The following LRP5 variants were observed in gnomAD, a reference collection of about 807,000 sequenced individuals.
The protein encoded by LRP5 is low-density lipoprotein receptor-related protein 5.
LRP5 carries 62 observed loss-of-function variants against 154.1 expected under a neutral mutation model. The ratio of observed to expected loss-of-function variants is 0.40; its 90% CI spans 0.33 to 0.50. The LOEUF is 0.50. Among genes scored for constraint, LRP5 ranks in the 20% least tolerant of loss-of-function variants. The pLI is 0.55. For missense variants in LRP5, 1,915 were observed against 2,336.7 expected, an observed-to-expected ratio of 0.82 and a Z score of 3.72; for synonymous variants, 966 against 1,011.5, an observed-to-expected ratio of 0.96 and a Z score of 0.85.
Position 68,425,183 on chromosome 11 carries a change from C to T in LRP5, c.3318C>T (p.Leu1106=). 6.2e-7 allele frequency: 1 copy of T among 1,613,740 alleles called. No individual in the cohort carries two copies. The highest frequency in any genetic ancestry group is 8.5e-7 in the Non-Finnish European group (1 of 1,180,014). ...AALDGTEREV[L]FTTGLIRPVA... is the part of the protein sequence containing the mutation. ...TGGACGGCACCGAGCGCGAGGTCCT[C>T]TTCACCACCGGCCTCATCCGCCCTG... Residue 1106 remains leucine, a synonymous_variant, in exon 15 of 23, where the codon CTC becomes CTT. Coordinates refer to ENST00000294304, the MANE Select transcript of LRP5 (RefSeq NM_002335.4).
chr11:68,356,579 G>A (rs1402556241), intron 2 of LRP5, among the ~76,000 whole-genome samples: 1 of 152,238 alleles, frequency 6.6e-6, no homozygotes, highest in African/African-American at 2.4e-5. Flanking sequence ...ATCCTGTGCA[G>A]GGTGGTACAT....
chr11:68,337,077 C>T (rs1369566292), intron 1 of LRP5, among the ~76,000 whole-genome samples: 1 of 152,208 alleles, frequency 6.6e-6, no homozygotes, highest in East Asian at 1.9e-4. Context: ...GTGGAACTTG[C>T]GGAGCTGACT....
chr11:68,427,167 CCACATA>C (rs1318261450), intron 16 of LRP5, among the ~76,000 whole-genome samples: 2 of 152,206 alleles, frequency 1.3e-5, no homozygotes, highest in African/African-American at 4.8e-5. Flanking sequence ...ATCCCTTCTG[CCACATA>C]AGGTCATGAC....
chr11:68,447,840 C>T lies in LRP5; in HGVS notation c.4587-969C>T, dbSNP rs967817196. Among the ~76,000 whole-genome samples, 7 of 152,108 alleles carry T rather than the reference C, an allele frequency of 4.6e-5. No homozygotes were observed. The highest frequency in any genetic ancestry group is 1.0e-4 in the Non-Finnish European group (7 of 68,014). On this transcript the variant is annotated intron_variant, in intron 22 of 22. Transcript: ENST00000294304. The surrounding 1 kb of genome is among the most constrained non-coding windows in gnomAD (Gnocchi z 4.3). ...TCTGAACTCACACAGTGGGATGCGG[C>T]GTTTCTGGGCCACAGTTGGGTGCAG...
chr11:68,409,929 T>G lies in LRP5; in HGVS notation c.2107T>G (p.Phe703Val), dbSNP rs772679034. 11 of 1,613,632 alleles carry G rather than the reference T, an allele frequency of 6.8e-6. No homozygotes were observed. The highest frequency in any genetic ancestry group is 8.5e-6 in the Non-Finnish European group (10 of 1,179,912). The change falls in exon 10 of 23, where the codon TTC becomes GTC. Residue 703 changes from phenylalanine to valine, a missense_variant. Phe to Val is a conservative substitution (Grantham distance 50). Coordinates refer to ENST00000294304, the MANE Select transcript of LRP5 (RefSeq NM_002335.4). ...DVSLKTISRA[F>V]MNGSSVEHVV... ...CTGCTGCCAGACCATCAGCCGCGCC[T>G]TCATGAACGGGAGCTCGGTGGAGCA...
At chr11:68,376,050 C>T (rs1003781957) in intron 5 of LRP5, among the ~76,000 whole-genome samples, 16 of 151,480 alleles carry the variant, frequency 1.1e-4, no homozygotes, top group African/African-American at 3.9e-4. Flanking sequence ...GCCACTGAGG[C>T]GGGGTGGGTG....
At chr11:68,398,682 T>C (rs1442291011) in intron 7 of LRP5, among the ~76,000 whole-genome samples, 2 of 150,348 alleles carry the variant, frequency 1.3e-5, no homozygotes, top group African/African-American at 2.5e-5. Context: ...TCATGACCCA[T>C]GAAAATTATA....
At chr11:68,304,258 AG>A in the LRP5 span, among the ~76,000 whole-genome samples, 2 of 152,370 alleles carry the variant, frequency 1.3e-5, no homozygotes, top group East Asian at 3.9e-4. Context: ...CTTGGCTCAA[AG>A]GGCCATAGTC....
chr11:68,341,674 G>A lies in LRP5; in HGVS notation c.92-6173G>A, dbSNP rs1218134651. 3.9e-5 allele frequency among the ~76,000 whole-genome samples: 6 copies of A among 152,238 alleles called. No individual in the cohort carries two copies. In the South Asian group the frequency reaches 1.0e-3, roughly 26 times the overall value. ...CTACCCCCACACTCTGCTCCAGTGT[G>A]CTCCCACCCCAGGACCTTTGCCCAG... On this transcript the variant is annotated intron_variant, in intron 1 of 22. Coordinates refer to ENST00000294304, the MANE Select transcript of LRP5 (RefSeq NM_002335.4).
Position 68,389,977 on chromosome 11 carries a change from G to A in LRP5, c.1509G>A (p.Gly503=), listed in dbSNP as rs1294709375. Residue 503 remains glycine, a synonymous_variant, in exon 7 of 23, where the codon GGG becomes GGA. Transcript: ENST00000294304. ...ERRVLVNASL[G]WPNGLALDLQ... is the part of the protein sequence containing the mutation. Reference sequence around the variant, plus strand: ...GTGTGCTGGTCAATGCCTCCCTCGGGTGGCCCAACGGCCTGGCCCTGGACC... The same window carrying A: ...GTGTGCTGGTCAATGCCTCCCTCGGATGGCCCAACGGCCTGGCCCTGGACC... The A allele has an allele frequency of 6.2e-7, 1 of 1,614,250 alleles. No individual in the cohort carries two copies. Among genetic ancestry groups the A allele is most frequent in the East Asian group, 2.2e-5 (1 of 44,886 alleles).
At chr11:68,357,970 G>A (rs2098624610) in intron 3 of LRP5, 123 bp downstream of exon 3, 2 of 918,222 alleles carry the variant, frequency 2.2e-6, no homozygotes, top group Non-Finnish European at 1.7e-6. Context: ...GAGGAATGCA[G>A]GACTTCTCAG....
intron 5 of LRP5, among the ~76,000 whole-genome samples, chr11:68,369,480 A>G (rs541526491): frequency 3.3e-5 from 5 of 152,148 alleles, no homozygotes; most frequent in South Asian, 4.2e-4. Flanking sequence ...GGAGTGGGGA[A>G]TGGACACAGC....
At chr11:68,350,027 CAG>C (rs2098616920) in intron 2 of LRP5, among the ~76,000 whole-genome samples, 1 of 152,172 alleles carries the variant, frequency 6.6e-6, no homozygotes, top group African/African-American at 2.4e-5. Context: ...AGTGTCACCA[CAG>C]TCTCTCAGCA....
Position 68,406,600 on chromosome 11 carries a change from C to T in LRP5, c.1878C>T (p.Gly626=). Residue 626 remains glycine, a synonymous_variant, in exon 9 of 23, where the codon GGC becomes GGT. Transcript: ENST00000294304. ...TCACACCCCACGCAACCCGGTGTGG[C>T]TGCCCCATCGGCCTGGAGCTGCTGA... The part of the protein sequence containing the change: ...CFFTPHATRC[G]CPIGLELLSD... 1.2e-6 allele frequency: 2 copies of T among 1,614,126 alleles called. No individual in the cohort carries two copies. Among genetic ancestry groups the T allele is most frequent in the South Asian group, 2.2e-5 (2 of 91,084 alleles).
rs553931699 is a variant in LRP5, at chr11:68,345,028, A to G, written c.92-2819A>G. Among the ~76,000 whole-genome samples the G allele has an allele frequency of 5.5e-4, 83 of 151,166 alleles. 1 individual carries two copies. Among genetic ancestry groups the G allele is most frequent in the African/African-American group, 2.0e-3 (81 of 41,172 alleles). On this transcript the variant is annotated intron_variant, in intron 1 of 22. Transcript: ENST00000294304. ...CAGGCGCGTGCCACCATGCCTTGCT[A>G]ATTTTTGTATTTTTTGTGGAGGCAG... is the stretch of plus-strand genomic sequence containing the variant.
rs772640505 is a variant in LRP5 at position 68,449,037 on chromosome 11, G to A, written c.4815G>A (p.Pro1605=). 91 of 1,580,244 alleles carry A rather than the reference G, an allele frequency of 5.8e-5. 1 individual carries two copies. Among genetic ancestry groups the A allele is most frequent in the Admixed American group, 5.6e-4 (33 of 58,824 alleles). The stretch of plus-strand genomic sequence containing the variant: ...AGAGGAGCTACTTCCATCTCTTCCC[G>A]CCCCCTCCGTCCCCCTGCACGGACT... ...ATERSYFHLF[P]PPPSPCTDSS is the part of the protein sequence containing the mutation. Residue 1605 remains proline (P), a synonymous_variant, in exon 23 of 23, where the codon CCG becomes CCA. Transcript: ENST00000294304.
At chr11:68,349,167 G>A (rs2098616279) in intron 2 of LRP5, among the ~76,000 whole-genome samples, 1 of 151,402 alleles carries the variant, frequency 6.6e-6, no homozygotes, top group Admixed American at 6.6e-5. Context: ...CAAGTAGCTG[G>A]GATTACAGGC....
In LRP5 at chr11:68,436,843, G is replaced by A. The variant is rs1565114809; in HGVS notation, c.4001-46G>A. On this transcript the variant is annotated intron_variant, in intron 18 of 22. Coordinates refer to ENST00000294304, the MANE Select transcript of LRP5 (RefSeq NM_002335.4). ...GTTGCTGTGCCCTGCATGGTGGGCT[G>A]GGGGGCACCCTCCAGCCTCTCTGAG... 2.1e-6 allele frequency: 3 copies of A among 1,433,520 alleles called. No homozygotes were observed. In the South Asian group the frequency reaches 3.4e-5, roughly 16 times the overall value. The allele number at this position is 1,433,520 out of a possible 1,614,324, so 88.8% of individuals were successfully genotyped here.
At chr11:68,330,752 C>T (rs1036476578) in intron 1 of LRP5, among the ~76,000 whole-genome samples, 1 of 152,248 alleles carries the variant, frequency 6.6e-6, no homozygotes, top group African/African-American at 2.4e-5. Context: ...CTCGCAGGAG[C>T]GCGATTGGTG....
Sources: allele counts gnomAD v4.1 joint callset (sites outside exome capture counted in the v4.1 genomes callset), GRCh38; gene constraint gnomAD v4.1.1; non-coding constraint Gnocchi (gnomAD v3.1); transcripts MANE v1.5; gene names NCBI Gene and HGNC (gene_info 2026-07-23, HGNC 2026-07-21).